The following KCNH1 variants were observed in gnomAD, a reference collection of about 807,000 sequenced individuals.
KCNH1 encodes the protein potassium voltage-gated channel subfamily H member 1.
A neutral mutation model predicts 69.2 loss-of-function variants in KCNH1; 27 were observed. That is an observed-to-expected ratio of 0.39 (90% CI 0.29 to 0.54). KCNH1 has a LOEUF of 0.54. Ranked by LOEUF, KCNH1 falls within the 20% of genes least tolerant of loss-of-function variation. The probability of loss-of-function intolerance (pLI) is 0.68; values close to 1 mark genes in which losing one functional copy is unlikely to be tolerated. For missense variants in KCNH1, 798 were observed against 1,261.6 expected, an observed-to-expected ratio of 0.63 and a Z score of 5.57; for synonymous variants, 456 against 487.7, an observed-to-expected ratio of 0.93 and a Z score of 0.86.
intron 7 of KCNH1, among the ~76,000 whole-genome samples, chr1:210,854,237 G>A (rs1685778539): frequency 6.6e-6 from 1 of 152,052 alleles, no homozygotes; most frequent in African/African-American, 2.4e-5. Flanking sequence ...ATATTATCAA[G>A]TCATAATGAA....
intron 1 of KCNH1, among the ~76,000 whole-genome samples, chr1:211,115,700 C>CATATATATATATATATATAT (rs1558611335): frequency 1.9e-5 from 1 of 53,930 alleles, no homozygotes; most frequent in Non-Finnish European, 4.0e-5. Flanking sequence ...AATAAACTCC[C>CATATATATATATATATATAT]CTATATATAT....
At chr1:210,695,564 T>C (rs148192347) in intron 10 of KCNH1, among the ~76,000 whole-genome samples, 57 of 152,322 alleles carry the variant, frequency 3.7e-4, no homozygotes, top group African/African-American at 1.2e-3. Context: ...CTTCCCTCAA[T>C]GATAAGTCTC....
chr1:211,065,324 C>T (rs957894036), intron 5 of KCNH1, among the ~76,000 whole-genome samples: 5 of 152,154 alleles, frequency 3.3e-5, no homozygotes, highest in African/African-American at 1.2e-4. Flanking sequence ...GAAATCCTGT[C>T]ATTTGCAACA....
chr1:211,096,648 G>A (rs182586673), intron 3 of KCNH1, among the ~76,000 whole-genome samples: 1 of 152,266 alleles, frequency 6.6e-6, no homozygotes, highest in East Asian at 1.9e-4. Flanking sequence ...TGAATTGTTT[G>A]TAGGTAAGAT....
At chr1:210,896,055 A>G (rs1328383083) in intron 7 of KCNH1, among the ~76,000 whole-genome samples, 1 of 152,184 alleles carries the variant, frequency 6.6e-6, no homozygotes, top group African/African-American at 2.4e-5. Flanking sequence ...ACAGCTAAAC[A>G]TGTAGGAGGT....
intron 1 of KCNH1, among the ~76,000 whole-genome samples, chr1:211,125,779 GT>G (rs1691767411): frequency 6.6e-6 from 1 of 152,172 alleles, no homozygotes; most frequent in Non-Finnish European, 1.5e-5. Flanking sequence ...GGAAATGATG[GT>G]TTTTAGTCAC....
At chr1:210,826,899 G>A (rs1393268922) in intron 7 of KCNH1, among the ~76,000 whole-genome samples, 2 of 152,208 alleles carry the variant, frequency 1.3e-5, no homozygotes, top group African/African-American at 4.8e-5. Flanking sequence ...CTGTACCAAG[G>A]CTGCCAGTGC....
At chr1:211,126,104 C>G (rs935761156) in intron 1 of KCNH1, among the ~76,000 whole-genome samples, 2 of 152,218 alleles carry the variant, frequency 1.3e-5, no homozygotes, top group Non-Finnish European at 2.9e-5. Flanking sequence ...GTGGCTCACG[C>G]CTGTAATCCC....
intron 7 of KCNH1, among the ~76,000 whole-genome samples, chr1:210,848,275 A>T (rs1373731288): frequency 2.6e-5 from 4 of 152,226 alleles, no homozygotes; most frequent in Admixed American, 2.6e-4. Context: ...AAATGATTTG[A>T]CACCAAGAAT....
intron 5 of KCNH1, among the ~76,000 whole-genome samples, chr1:211,047,231 A>G (rs1314997703): frequency 6.6e-6 from 1 of 152,226 alleles, no homozygotes; most frequent in Non-Finnish European, 1.5e-5. Flanking sequence ...TAAACCATGA[A>G]GTTATACTAC....
chr1:210,759,751 A>G (rs1683477784), intron 10 of KCNH1, among the ~76,000 whole-genome samples: 1 of 152,252 alleles, frequency 6.6e-6, no homozygotes, highest in Non-Finnish European at 1.5e-5. Flanking sequence ...AACTTGGAAA[A>G]TATATTTGAG....
intron 9 of KCNH1, among the ~76,000 whole-genome samples, chr1:210,785,261 T>C (rs975559622): frequency 2.6e-5 from 4 of 152,018 alleles, no homozygotes; most frequent in Admixed American, 2.0e-4. Context: ...ATGAAATAAA[T>C]AGACAATTTT....
At chr1:210,962,394 G>A (rs985871298) in intron 6 of KCNH1, among the ~76,000 whole-genome samples, 4 of 152,092 alleles carry the variant, frequency 2.6e-5, no homozygotes, top group African/African-American at 7.2e-5. Context: ...GAAATGGAGT[G>A]TGTTCTCCTC....
At chr1:210,863,484 A>T (rs2102484519) in intron 7 of KCNH1, among the ~76,000 whole-genome samples, 1 of 152,306 alleles carries the variant, frequency 6.6e-6, no homozygotes, top group East Asian at 1.9e-4. Flanking sequence ...TTTGGGCAAC[A>T]TGTAGTCACC....
chr1:210,708,220 C>G (rs1407030451), intron 10 of KCNH1, among the ~76,000 whole-genome samples: 5 of 142,660 alleles, frequency 3.5e-5, no homozygotes, highest in African/African-American at 1.5e-4. Context: ...TCCCTTCCCC[C>G]ACTCCCATTG....
At chr1:210,856,856 C>A (rs1685854562) in intron 7 of KCNH1, among the ~76,000 whole-genome samples, 41 of 69,722 alleles carry the variant, frequency 5.9e-4, no homozygotes, top group South Asian at 2.1e-3. Flanking sequence ...TATATGTAAC[C>A]CACTATATAT....
chr1:210,908,665 G>A (rs552873509), intron 7 of KCNH1, among the ~76,000 whole-genome samples: 1 of 152,288 alleles, frequency 6.6e-6, no homozygotes, highest in South Asian at 2.1e-4. Context: ...CCCAATGGGT[G>A]CATTCTAACT....
At chr1:211,114,092 A>G (rs1267277624) in intron 1 of KCNH1, among the ~76,000 whole-genome samples, 1 of 152,126 alleles carries the variant, frequency 6.6e-6, no homozygotes, top group African/African-American at 2.4e-5. Context: ...AATGGAACAT[A>G]AGTTCGCCAG....
intron 10 of KCNH1, among the ~76,000 whole-genome samples, chr1:210,700,881 T>G (rs2149010760): frequency 6.6e-6 from 1 of 152,296 alleles, no homozygotes; most frequent in East Asian, 1.9e-4. Flanking sequence ...TTCACTTTAA[T>G]GATCAAATTT....
Sources: allele counts gnomAD v4.1 joint callset (sites outside exome capture counted in the v4.1 genomes callset), GRCh38; gene constraint gnomAD v4.1.1; transcripts MANE v1.5; gene names NCBI Gene and HGNC (gene_info 2026-07-23, HGNC 2026-07-21).